ENO2: variants seen among roughly 807,000 people sequenced by gnomAD.
The protein encoded by ENO2 is gamma-enolase.
In ENO2, 19 loss-of-function variants were observed where a neutral mutation model predicts 48.7. That is an observed-to-expected ratio of 0.39 (90% confidence interval 0.27 to 0.57). ENO2 has a LOEUF of 0.57. Ranked by LOEUF, ENO2 falls within the 20% of genes least tolerant of loss-of-function variation. ENO2 has a pLI of 0.58. For synonymous variants in ENO2, 198 were observed against 213.4 expected (o/e 0.93, Z 0.63); for missense variants, 416 against 555.0 (o/e 0.75, Z 2.52).
rs1555142273 is a variant in ENO2 at position 6,922,841 on chromosome 12, C to T, written c.*41C>T. ...GGAGACGTGGAACCTCTGTCTCATC[C>T]TCCTGGAACCTTGCTGTCCTGATCT... On this transcript the variant is annotated 3_prime_UTR_variant, in exon 12 of 12. Transcript: ENST00000229277. The surrounding 1 kb of genome is among the most constrained non-coding windows in gnomAD (Gnocchi z 5.3). The T allele has an allele frequency of 6.2e-7, 1 of 1,605,132 alleles. No individual in the cohort carries two copies. Among genetic ancestry groups the T allele is most frequent in the Non-Finnish European group, 8.5e-7 (1 of 1,172,274 alleles).
rs782500206 is a variant in ENO2, at chr12:6,921,788, T to C, written c.1067+6T>C. 2.5e-6 allele frequency: 4 copies of C among 1,613,782 alleles called. No individual in the cohort carries two copies. Among genetic ancestry groups the C allele is most frequent in the Non-Finnish European group, 3.4e-6 (4 of 1,179,886 alleles). On this transcript the variant is annotated splice_donor_region_variant and intron_variant, in intron 9 of 11. Coordinates refer to ENST00000229277, the MANE Select transcript of ENO2 (RefSeq NM_001975.3). ...GTCACTGAAGCCATCCAAGCGTGAG[T>C]GACTTCTGGCCCTCTCCTGTGTGGT...
In ENO2 at chr12:6,922,881, C is replaced by G; in HGVS notation, c.*81C>G. The G allele has an allele frequency of 1.3e-6, 2 of 1,495,754 alleles. No homozygotes were observed. Among genetic ancestry groups the G allele is most frequent in the Non-Finnish European group, 1.9e-6 (2 of 1,079,226 alleles). The allele number at this position is 1,495,754 out of a possible 1,614,324, so 92.7% of individuals were successfully genotyped here. ...TGTCCTGATCTGTGATAGTTCACCC[C>G]CTGAGATCCCCTGAGCCCCAGGGTG... On this transcript the variant is annotated 3_prime_UTR_variant, in exon 12 of 12. Transcript: ENST00000229277. The surrounding 1 kb of genome is among the most constrained non-coding windows in gnomAD (Gnocchi z 5.3).
Position 6,919,615 on chromosome 12 carries a change from G to C in ENO2, c.717G>C (p.Lys239Asn). The C allele has an allele frequency of 6.2e-7, 1 of 1,614,166 alleles. No homozygotes were observed. Among genetic ancestry groups the C allele is most frequent in the Non-Finnish European group, 8.5e-7 (1 of 1,180,026 alleles). ...EAIDKAGYTE[K>N]IVIGMDVAAS... ...TCGACAAGGCTGGCTACACGGAAAA[G>C]ATCGTTATTGGCATGGATGTTGCTG... The change falls in exon 8 of 12, where the codon AAG (lysine) becomes AAC (asparagine). Residue 239 changes from lysine (K) to asparagine (N), a missense_variant. By Grantham distance (94) the Lys-to-Asn change is moderately conservative. Coordinates refer to ENST00000229277, the MANE Select transcript of ENO2 (RefSeq NM_001975.3).
At chr12:6,915,747 C>A in intron 1 of ENO2, 74 bp from the exon 2 acceptor site, 1 of 1,019,804 alleles carries the variant, frequency 9.8e-7, no homozygotes, top group Non-Finnish European at 1.4e-6. Flanking sequence ...CAGCCTCCCG[C>A]CCCGCCCATT....
chr12:6,917,477 A>T, intron 5 of ENO2, 104 bp from the exon 6 acceptor site: 2 of 1,469,726 alleles, frequency 1.4e-6, no homozygotes, highest in South Asian at 2.7e-5. Context: ...GGGAGGGAGG[A>T]GGGGGTCTCC....
chr12:6,918,116 G>C lies in ENO2; in HGVS notation c.621G>C (p.Val207=), dbSNP rs1945308524. The C allele has an allele frequency of 6.2e-7, 1 of 1,614,074 alleles. No homozygotes were observed. The highest frequency in any genetic ancestry group is 1.3e-5 in the African/African-American group (1 of 74,928). ...KDKYGKDATN[V]GDEGGFAPNI... ...AATACGGCAAGGATGCCACCAATGT[G>C]GGGGATGAAGGTGGCTTTGCCCCCA... The change falls in exon 7 of 12, where the codon GTG becomes GTC. Residue 207 remains valine, a synonymous_variant. Transcript: ENST00000229277.
rs181064177 is a variant in ENO2 at position 6,922,263 on chromosome 12, G to T, written c.1177-81G>T. ...TCCTTCCAGGTGTTTGAGGGTGTCA[G>T]GGGAGTTTCAGGAGAGCAGAAGTTT... On this transcript the variant is annotated intron_variant, in intron 10 of 11. Transcript: ENST00000229277. This position sits in a 1 kb window ranked among gnomAD's most constrained non-coding sequence, Gnocchi z 5.3. 1 of 1,610,722 alleles carries T rather than the reference G, an allele frequency of 6.2e-7. No individual in the cohort carries two copies.
At chr12:6,920,205 C>T (rs781971303) in intron 8 of ENO2, among the ~76,000 whole-genome samples, 4 of 152,176 alleles carry the variant, frequency 2.6e-5, no homozygotes, top group African/African-American at 9.6e-5. Flanking sequence ...GGGCCTTTAT[C>T]TCAGGATGGA....
rs542780041 is a variant in ENO2 at position 6,916,498 on chromosome 12, G to A, written c.167G>A (p.Arg56His). Residue 56 changes from arginine to histidine, a missense_variant, in exon 3 of 12, where the codon CGT becomes CAT. Physicochemically the swap from Arg to His is conservative, Grantham distance 29 (BLOSUM62 0). Coordinates refer to ENST00000229277, the MANE Select transcript of ENO2 (RefSeq NM_001975.3). This position sits in a 1 kb window ranked among gnomAD's most constrained non-coding sequence, Gnocchi z 4.5. ...ALELRDGDKQ[R>H]YLGKGVLKAV... ...GAGCTGAGGGATGGAGACAAACAGC[G>A]TTACTTAGGCAAAGGTGAGGTCCCT... is the stretch of plus-strand genomic sequence containing the variant. The A allele has an allele frequency of 7.7e-5, 125 of 1,613,930 alleles. No individual in the cohort carries two copies. Among genetic ancestry groups the A allele is most frequent in the Middle Eastern group, 1.6e-4 (1 of 6,078 alleles).
rs1555141744 is a variant in ENO2 at position 6,917,664 on chromosome 12, C to T, written c.394C>T (p.Arg132Cys). ...AGCTGAGCGGGAACTGCCCCTGTAT[C>T]GCCACATTGCTCAGCTGGCCGGGAA... ...GAAERELPLY[R>C]HIAQLAGNSD... The change falls in exon 6 of 12, where the codon CGC (arginine) becomes TGC (cysteine). Residue 132 changes from arginine (R) to cysteine (C), a missense_variant. Physicochemically the swap from Arg to Cys is radical, Grantham distance 180 (BLOSUM62 -3). Transcript: ENST00000229277. 3.7e-6 allele frequency: 6 copies of T among 1,604,784 alleles called. No homozygotes were observed. The highest frequency in any genetic ancestry group is 5.1e-6 in the Non-Finnish European group (6 of 1,174,894).
In ENO2 at chr12:6,921,777, C is replaced by T. The variant is rs1446980341; in HGVS notation, c.1062C>T (p.Ile354=). 4 of 1,613,884 alleles carry T rather than the reference C, an allele frequency of 2.5e-6. No homozygotes were observed. The highest frequency in any genetic ancestry group is 3.3e-5 in the Admixed American group (2 of 59,986). ...AGATCGGCTCGGTCACTGAAGCCAT[C>T]CAAGCGTGAGTGACTTCTGGCCCTC... ...VNQIGSVTEA[I]QACKLAQENG... Residue 354 remains isoleucine, a synonymous_variant, in exon 9 of 12, where the codon ATC becomes ATT. Coordinates refer to ENST00000229277, the MANE Select transcript of ENO2 (RefSeq NM_001975.3).
Position 6,923,105 on chromosome 12 carries a change from A to T in ENO2, c.*305A>T. 2.8e-6 allele frequency: 1 copy of T among 356,474 alleles called. No homozygotes were observed. The highest frequency in any genetic ancestry group is 5.4e-6 in the Non-Finnish European group (1 of 184,672). The allele number at this position is 356,474 out of a possible 1,614,324, so 22.1% of individuals were successfully genotyped here. On this transcript the variant is annotated 3_prime_UTR_variant, in exon 12 of 12. Transcript: ENST00000229277. ...AAAGGGGGTCCGTGGAAGAATGATC[A>T]GCATCTGTGATGGGAGCGTCAGGGT...
chr12:6,915,596 G>A, intron 1 of ENO2: 1 of 543,504 alleles, frequency 1.8e-6, no homozygotes, highest in Non-Finnish European at 3.3e-6. Flanking sequence ...GCCCCCCACT[G>A]CAGTGACCTC....
chr12:6,918,042 C>T lies in ENO2; in HGVS notation c.547C>T (p.Arg183Ter), dbSNP rs782709261. Residue 183 changes from arginine (R) to a stop codon, truncating the protein, a stop_gained, in exon 7 of 12, where the codon CGA becomes TGA. Transcript: ENST00000229277. LOFTEE classifies it high-confidence loss of function. ...VGAESFRDAM[R>*]LGAEVYHTLK... The stretch of plus-strand genomic sequence containing the variant: ...AGCTGAGAGCTTTCGGGATGCCATG[C>T]GACTAGGTGCAGAGGTCTACCATAC... 1.2e-6 allele frequency: 2 copies of T among 1,614,096 alleles called. No individual in the cohort carries two copies. Among genetic ancestry groups the T allele is most frequent in the Non-Finnish European group, 1.7e-6 (2 of 1,180,016 alleles).
In ENO2 at chr12:6,916,604, C is replaced by G; in HGVS notation, c.182-67C>G. ...CCCAGTCCTCCTCTAGCATGGCTTCCCCTCCTCCCATTGATCCCTTCCGGC... is the reference window on the plus strand; with the variant it reads ...CCCAGTCCTCCTCTAGCATGGCTTCGCCTCCTCCCATTGATCCCTTCCGGC... On this transcript the variant is annotated intron_variant, in intron 3 of 11. Coordinates refer to ENST00000229277, the MANE Select transcript of ENO2 (RefSeq NM_001975.3). The surrounding 1 kb of genome is among the most constrained non-coding windows in gnomAD (Gnocchi z 4.5). 1 of 1,611,496 alleles carries G rather than the reference C, an allele frequency of 6.2e-7. No homozygotes were observed. Among genetic ancestry groups the G allele is most frequent in the Non-Finnish European group, 8.5e-7 (1 of 1,177,812 alleles).
Position 6,922,749 on chromosome 12 carries a change from G to T in ENO2, c.1254G>T (p.Gly418=), listed in dbSNP as rs1945352876. 6.2e-7 allele frequency: 1 copy of T among 1,614,002 alleles called. No homozygotes were observed. Among genetic ancestry groups the T allele is most frequent in the South Asian group, 1.1e-5 (1 of 91,094 alleles). ...NQLMRIEEEL[G]DEARFAGHNF... ...CTCTCAGAATTGAGGAAGAGCTGGG[G>T]GATGAAGCTCGCTTTGCCGGACATA... The change falls in exon 12 of 12, where the codon GGG becomes GGT. Residue 418 remains glycine, a synonymous_variant. Transcript: ENST00000229277. This position sits in a 1 kb window ranked among gnomAD's most constrained non-coding sequence, Gnocchi z 5.3.
rs782000114 is a variant in ENO2 at position 6,916,423 on chromosome 12, T to G, written c.92T>G (p.Phe31Cys). 6.2e-7 allele frequency: 1 copy of G among 1,613,338 alleles called. No individual in the cohort carries two copies. The highest frequency in any genetic ancestry group is 8.5e-7 in the Non-Finnish European group (1 of 1,179,714). The part of the protein sequence containing the change: ...EVDLYTAKGL[F>C]RAAVPSGAST... Reference sequence around the variant, plus strand: ...TTCCATGTTCCTCCTTTAGGTCTTTTCCGGGCTGCAGTGCCCAGTGGAGCC... The same window carrying G: ...TTCCATGTTCCTCCTTTAGGTCTTTGCCGGGCTGCAGTGCCCAGTGGAGCC... The change falls in exon 3 of 12, where the codon TTC (phenylalanine) becomes TGC (cysteine). Residue 31 changes from phenylalanine (F) to cysteine (C), a missense_variant. Phe to Cys is a radical substitution (Grantham distance 205). Coordinates refer to ENST00000229277, the MANE Select transcript of ENO2 (RefSeq NM_001975.3). The surrounding 1 kb of genome is among the most constrained non-coding windows in gnomAD (Gnocchi z 4.5).
chr12:6,920,587 CAG>C (rs1417133624), intron 8 of ENO2, among the ~76,000 whole-genome samples: 2 of 149,688 alleles, frequency 1.3e-5, no homozygotes, highest in African/African-American at 2.5e-5. Context: ...TTAGTAGAGA[CAG>C]GGGTTTCTCC....
At chr12:6,918,205 T>C (rs781848155) in intron 7 of ENO2, 43 bp downstream of exon 7, 22 of 1,600,774 alleles carry the variant, frequency 1.4e-5, no homozygotes, top group South Asian at 7.7e-5. Flanking sequence ...TCTTACCCTA[T>C]TGTGGGACAT....
Sources: gnomAD v4.1 joint callset for allele counts (sites outside exome capture counted in the v4.1 genomes callset) on GRCh38, gnomAD v4.1.1 for gene constraint, Gnocchi (gnomAD v3.1) non-coding constraint, MANE v1.5 for transcripts, NCBI Gene and HGNC (gene_info 2026-07-23, HGNC 2026-07-21) for gene names.